The following MAMLD1 variants were observed in gnomAD, a reference collection of about 807,000 sequenced individuals.
MAMLD1 encodes the protein mastermind like domain containing 1, also known as mastermind-like domain-containing protein 1.
Under a neutral mutation model 45.0 loss-of-function variants are expected in MAMLD1, and 14 were observed. The observed-to-expected ratio is 0.31, with a 90% CI of 0.21 to 0.49. The LOEUF (loss-of-function observed/expected upper bound fraction) is 0.49. Ranked by LOEUF, MAMLD1 falls within the 20% of genes least tolerant of loss-of-function variation. The pLI is 0.99. For missense variants in MAMLD1, 543 were observed against 603.6 expected (o/e 0.90, Z 1.05); for synonymous variants, 254 against 247.8 (o/e 1.02, Z -0.24).
At position 150,481,860 on chromosome X, in the gene MAMLD1, GAGAA is replaced by G. The variant is rs199607884; in HGVS notation, c.2040+8072_2040+8075del. 8.3e-3 allele frequency among the ~76,000 whole-genome samples: 672 copies of G among 80,671 alleles called. 6 individuals carry two copies. Among genetic ancestry groups the G allele is most frequent in the Middle Eastern group, 0.025 (4 of 157 alleles). The allele number at this position is 80,671 out of a possible 115,157, so 70.1% of individuals were successfully genotyped here. On this transcript the variant is annotated intron_variant, in intron 5 of 7. Transcript: ENST00000370401. Reference sequence around the variant, plus strand: ...ATAAAAAAAAAGAAAGAAAGAAAGAGAGAAAGAAAGAAAGAAAAAGAAAGAGAGA... The same window carrying G: ...ATAAAAAAAAAGAAAGAAAGAAAGAGAGAAAGAAAGAAAAAGAAAGAGAGA...
At chrX:150,483,468 G>A (rs1166956063) in intron 5 of MAMLD1, among the ~76,000 whole-genome samples, 1 of 112,789 alleles carries the variant, frequency 8.9e-6, no homozygotes, top group Non-Finnish European at 1.9e-5. Flanking sequence ...ATTGCGGAAT[G>A]CTAAGTTTTG....
chrX:150,505,681 C>T (rs1265012273), intron 6 of MAMLD1, among the ~76,000 whole-genome samples: 9 of 112,256 alleles, frequency 8.0e-5, no homozygotes, highest in African/African-American at 2.6e-4. Flanking sequence ...TGGCCCAATT[C>T]GTGCTCATTA....
chrX:150,401,404 C>T (rs1415653433), intron 1 of MAMLD1, among the ~76,000 whole-genome samples: 1 of 101,567 alleles, frequency 9.8e-6, no homozygotes, highest in Non-Finnish European at 2.0e-5. Flanking sequence ...CAAACCACTG[C>T]TCAAGGAAAT....
intron 2 of MAMLD1, among the ~76,000 whole-genome samples, chrX:150,450,136 G>T (rs1360028739): frequency 8.9e-6 from 1 of 111,896 alleles, no homozygotes; most frequent in Non-Finnish European, 1.9e-5. Flanking sequence ...CATTCCAGTG[G>T]CAGAGACAGC....
chrX:150,466,872 A>G (rs2036236945), intron 3 of MAMLD1, among the ~76,000 whole-genome samples: 1 of 111,786 alleles, frequency 8.9e-6, no homozygotes. Flanking sequence ...GGTTAGTGGC[A>G]GACCAACAAT....
chrX:150,466,566 C>T lies in MAMLD1; in HGVS notation c.172-3179C>T, dbSNP rs782655310. Among the ~76,000 whole-genome samples the T allele has an allele frequency of 5.3e-5, 6 of 112,275 alleles. No individual in the cohort carries two copies. The South Asian group carries it at 1.5e-3, about 28-fold the overall frequency. On this transcript the variant is annotated intron_variant, in intron 3 of 7. Transcript: ENST00000370401. Reference sequence around the variant, plus strand: ...ATCCTTATGAAAGTCAGTGAGTGTACATGCCAGCAGCTGTCCAGCCACAGA... The same window carrying T: ...ATCCTTATGAAAGTCAGTGAGTGTATATGCCAGCAGCTGTCCAGCCACAGA...
At chrX:150,403,160 A>G (rs1473330954) in intron 1 of MAMLD1, among the ~76,000 whole-genome samples, 2 of 111,982 alleles carry the variant, frequency 1.8e-5, no homozygotes, top group African/African-American at 6.5e-5. Context: ...TACATCATGG[A>G]GGAATCCCCA....
At chrX:150,497,698 A>G (rs1557408358) in intron 5 of MAMLD1, among the ~76,000 whole-genome samples, 2 of 111,853 alleles carry the variant, frequency 1.8e-5, no homozygotes, top group Non-Finnish European at 3.8e-5. Flanking sequence ...TATTATAAAA[A>G]GAAGAGGACA....
rs1557406719 is a variant in MAMLD1, at chrX:150,473,816, T to A, written c.2040+14T>A. The A allele has an allele frequency of 8.3e-7, 1 of 1,207,856 alleles. No homozygotes were observed. Among genetic ancestry groups the A allele is most frequent in the Admixed American group, 2.2e-5 (1 of 46,039 alleles). On this transcript the variant is annotated intron_variant, in intron 5 of 7. Transcript: ENST00000370401. ...CCGTCTAACATTGTGAGCCTTTCTG[T>A]TTTGTTTTGTCTTCAATTGGGTACA...
intron 6 of MAMLD1, among the ~76,000 whole-genome samples, chrX:150,507,852 C>T (rs1468318622): frequency 8.9e-6 from 1 of 111,927 alleles, no homozygotes; most frequent in African/African-American, 3.3e-5. Flanking sequence ...TTTCCTTAGT[C>T]ACACTCTCCA....
chrX:150,459,703 G>A (rs1335523473), intron 2 of MAMLD1, among the ~76,000 whole-genome samples: 2 of 110,536 alleles, frequency 1.8e-5, no homozygotes, highest in African/African-American at 6.6e-5. Context: ...ATTTGGAACT[G>A]TACCTGTCAC....
chrX:150,492,207 C>T (rs1269978219), intron 5 of MAMLD1, among the ~76,000 whole-genome samples: 13 of 112,705 alleles, frequency 1.2e-4, no homozygotes, highest in Non-Finnish European at 2.3e-4. Flanking sequence ...GCCTCTGTCC[C>T]ATCTTCCAAA....
chrX:150,430,476 T>G (rs990535399), intron 1 of MAMLD1, among the ~76,000 whole-genome samples: 1 of 111,959 alleles, frequency 8.9e-6, no homozygotes, highest in Non-Finnish European at 1.9e-5. Context: ...TTATTTTTGA[T>G]GAAGTCTAGT....
chrX:150,376,607 T>C (rs189708854), intron 1 of MAMLD1, among the ~76,000 whole-genome samples: 6 of 111,060 alleles, frequency 5.4e-5, no homozygotes, highest in African/African-American at 1.3e-4. Flanking sequence ...CAGCAGAATA[T>C]AGGGCTGAGT....
intron 1 of MAMLD1, among the ~76,000 whole-genome samples, chrX:150,401,232 C>CA (rs1205318205): frequency 6.4e-5 from 7 of 109,813 alleles, no homozygotes; most frequent in Admixed American, 2.0e-4. Context: ...TCTCAGGATA[C>CA]AAAATCAATG....
chrX:150,449,292 G>A (rs1017450235), intron 2 of MAMLD1, among the ~76,000 whole-genome samples: 15 of 111,407 alleles, frequency 1.3e-4, no homozygotes, highest in East Asian at 2.8e-4. Flanking sequence ...TCTACAATAC[G>A]ATGAAAAACA....
intron 4 of MAMLD1, among the ~76,000 whole-genome samples, 191 bp downstream of exon 4, chrX:150,471,681 G>A (rs929795175): frequency 6.3e-5 from 7 of 111,879 alleles, no homozygotes; most frequent in African/African-American, 2.3e-4. Context: ...TAAGGCCAAG[G>A]TTATGGTTTC....
rs782065526 is a variant in MAMLD1 at position 150,433,184 on chromosome X, G to A, written c.-63-12270G>A. On this transcript the variant is annotated intron_variant, in intron 1 of 7. Coordinates refer to ENST00000370401, the MANE Select transcript of MAMLD1 (RefSeq NM_005491.5). ...TCTCTTTTTGTAGCTATTGTGAATG[G>A]GATTACATCCTTAATTGGCTCTCAG... Among the ~76,000 whole-genome samples the A allele has an allele frequency of 4.5e-5, 5 of 111,526 alleles. No homozygotes were observed. In the South Asian group the frequency reaches 1.9e-3, roughly 42 times the overall value.
intron 1 of MAMLD1, among the ~76,000 whole-genome samples, chrX:150,420,172 G>A (rs1409241786): frequency 6.5e-5 from 3 of 46,425 alleles, no homozygotes; most frequent in Admixed American, 2.9e-4. Context: ...TTCCCTTCTC[G>A]CTTCATTTCA....
Sources: allele counts gnomAD v4.1 joint callset (sites outside exome capture counted in the v4.1 genomes callset), GRCh38; gene constraint gnomAD v4.1.1; transcripts MANE v1.5; gene names NCBI Gene and HGNC (gene_info 2026-07-23, HGNC 2026-07-21).